SCARA3: variants seen among roughly 807,000 people sequenced by gnomAD.
The protein encoded by SCARA3 is cellular stress response gene protein.
In SCARA3, 39 loss-of-function variants were observed where a neutral mutation model predicts 47.0. That is an observed-to-expected ratio of 0.83 (90% CI 0.64 to 1.08). The LOEUF (loss-of-function observed/expected upper bound fraction) is 1.08, where lower values mean the gene tolerates loss of function less well. SCARA3 is among the 50% of genes least tolerant of loss of function. The probability of loss-of-function intolerance (pLI) is 0.00; values close to 1 mark genes in which losing one functional copy is unlikely to be tolerated. For missense variants in SCARA3, 724 were observed against 792.3 expected (o/e 0.91, Z 1.04); for synonymous variants, 356 against 334.1 (o/e 1.07, Z -0.71).
chr8:27,695,382 G>A, the SCARA3 span, among the ~76,000 whole-genome samples: 2 of 152,216 alleles, frequency 1.3e-5, no homozygotes, highest in African/African-American at 4.8e-5. Context: ...AGTGACTGAA[G>A]TGTATGCTGG....
At chr8:27,642,052 T>C (rs1417685275) in intron 1 of SCARA3, among the ~76,000 whole-genome samples, 1 of 152,248 alleles carries the variant, frequency 6.6e-6, no homozygotes, top group Non-Finnish European at 1.5e-5. Context: ...ATGGGCTTAT[T>C]ATTTTTTTTG....
downstream of SCARA3, among the ~76,000 whole-genome samples, chr8:27,675,285 A>G (rs1181820391): frequency 6.6e-6 from 1 of 152,158 alleles, no homozygotes; most frequent in African/African-American, 2.4e-5. Context: ...GCGGGAGAGG[A>G]GAGCAGAGAG....
chr8:27,684,070 A>G, the SCARA3 span, among the ~76,000 whole-genome samples: 5 of 152,336 alleles, frequency 3.3e-5, no homozygotes, highest in South Asian at 8.3e-4. Context: ...GCTGATAGAA[A>G]AAAACATATG....
the SCARA3 span, chr8:27,701,439 A>AT: frequency 1.3e-5 from 2 of 152,054 alleles, no homozygotes; most frequent in African/African-American, 4.8e-5. Flanking sequence ...AGTACAGTAG[A>AT]TTTTTTTAAA....
Position 27,643,419 on chromosome 8 carries a change from G to T in SCARA3, c.8-6283G>T, listed in dbSNP as rs148475493. Among the ~76,000 whole-genome samples, 29 of 152,234 alleles carry T rather than the reference G, an allele frequency of 1.9e-4. 1 individual carries two copies. Among genetic ancestry groups the T allele is most frequent in the African/African-American group, 7.0e-4 (29 of 41,528 alleles). On this transcript the variant is annotated intron_variant, in intron 1 of 5. Coordinates refer to ENST00000301904, the MANE Select transcript of SCARA3 (RefSeq NM_016240.3). ...GGCGAGTGCTGGAGGAGAGAAACTGGCAGAGCCACGGAAGCAGAAAAGGAC... is the reference window on the plus strand; with the variant it reads ...GGCGAGTGCTGGAGGAGAGAAACTGTCAGAGCCACGGAAGCAGAAAAGGAC...
chr8:27,694,390 C>T, the SCARA3 span, among the ~76,000 whole-genome samples: 1 of 152,140 alleles, frequency 6.6e-6, no homozygotes, highest in Non-Finnish European at 1.5e-5. Flanking sequence ...CCAGCATATG[C>T]AGGAACACCC....
the SCARA3 span, among the ~76,000 whole-genome samples, chr8:27,689,572 C>G: frequency 6.6e-6 from 1 of 152,188 alleles, no homozygotes; most frequent in Non-Finnish European, 1.5e-5. Context: ...TTCGAAGACA[C>G]AAGTGCTGTT....
chr8:27,691,706 C>A, the SCARA3 span, among the ~76,000 whole-genome samples: 1 of 152,130 alleles, frequency 6.6e-6, no homozygotes, highest in Admixed American at 6.5e-5. Context: ...AGACCTTGGG[C>A]CCATTTCCTT....
intron 1 of SCARA3, among the ~76,000 whole-genome samples, chr8:27,639,230 A>G (rs1801328709): frequency 6.6e-6 from 1 of 152,202 alleles, no homozygotes; most frequent in Non-Finnish European, 1.5e-5. Flanking sequence ...GAAGCACGCT[A>G]GTTGGAAGGC....
At chr8:27,689,412 G>A in the SCARA3 span, among the ~76,000 whole-genome samples, 1 of 152,282 alleles carries the variant, frequency 6.6e-6, no homozygotes, top group Non-Finnish European at 1.5e-5. Flanking sequence ...CTGATGAAAA[G>A]CATGATTATC....
At chr8:27,633,510 G>T (rs564748186), upstream of SCARA3, among the ~76,000 whole-genome samples, 2 of 152,320 alleles carry the variant, frequency 1.3e-5, no homozygotes, top group East Asian at 3.9e-4. Context: ...AGAAAAACGT[G>T]CAGGGCTAAA....
At chr8:27,717,009 T>G in the SCARA3 span, among the ~76,000 whole-genome samples, 2 of 152,140 alleles carry the variant, frequency 1.3e-5, no homozygotes, top group African/African-American at 4.8e-5. Flanking sequence ...GAATCTAAAT[T>G]TCAGGATCTT....
the SCARA3 span, among the ~76,000 whole-genome samples, chr8:27,732,208 A>C: frequency 1.3e-5 from 2 of 152,198 alleles, no homozygotes; most frequent in Non-Finnish European, 2.9e-5. Context: ...GGAACAAAAC[A>C]CAACACTGAC....
chr8:27,712,391 G>A, the SCARA3 span, among the ~76,000 whole-genome samples: 4 of 151,474 alleles, frequency 2.6e-5, no homozygotes, highest in South Asian at 6.3e-4. Flanking sequence ...GTGAAACCCC[G>A]TCTCTACTAA....
the SCARA3 span, among the ~76,000 whole-genome samples, chr8:27,726,964 A>C: frequency 6.6e-6 from 1 of 151,912 alleles, no homozygotes; most frequent in East Asian, 2.0e-4. Flanking sequence ...AGTAGAGATG[A>C]GGTCTCACCA....
chr8:27,676,542 C>T (rs1802280100), downstream of SCARA3: 2 of 1,609,824 alleles, frequency 1.2e-6, no homozygotes, highest in Non-Finnish European at 1.7e-6. Context: ...AATATTAGAA[C>T]ATCTCAATGT....
At chr8:27,660,175 G>C (rs1360708636) in intron 5 of SCARA3, among the ~76,000 whole-genome samples, 4 of 151,404 alleles carry the variant, frequency 2.6e-5, no homozygotes, top group African/African-American at 9.7e-5. Flanking sequence ...TATTTATCAG[G>C]GTTCTCCAGA....
intron 5 of SCARA3, 71 bp from the exon 6 acceptor site, chr8:27,670,829 C>T (rs977342781): frequency 1.5e-6 from 2 of 1,336,764 alleles, no homozygotes; most frequent in Non-Finnish European, 2.0e-6. Flanking sequence ...CGTGCCCGCT[C>T]TGCTCATGGG....
At chr8:27,715,078 C>A in the SCARA3 span, among the ~76,000 whole-genome samples, 1 of 152,102 alleles carries the variant, frequency 6.6e-6, no homozygotes, top group South Asian at 2.1e-4. The surrounding 1 kb of genome is among the most constrained non-coding windows in gnomAD (Gnocchi z 4.2). Flanking sequence ...AGCCACCATG[C>A]CTGGCTAAAT....
Sources: gnomAD v4.1 joint callset for allele counts (sites outside exome capture counted in the v4.1 genomes callset) on GRCh38, gnomAD v4.1.1 for gene constraint, Gnocchi (gnomAD v3.1) non-coding constraint, MANE v1.5 for transcripts, NCBI Gene and HGNC (gene_info 2026-07-23, HGNC 2026-07-21) for gene names.